STXBP6: variants seen among roughly 807,000 people sequenced by gnomAD.
The protein encoded by STXBP6 is syntaxin-binding protein 6.
STXBP6 carries 21 observed loss-of-function variants against 26.9 expected under a neutral mutation model. The observed-to-expected ratio is 0.78, with a 90% CI of 0.55 to 1.12. The LOEUF (loss-of-function observed/expected upper bound fraction) is 1.12, where lower values mean the gene tolerates loss of function less well. STXBP6 is among the 50% of genes most tolerant of loss of function. The pLI, the probability that STXBP6 is intolerant of heterozygous loss-of-function variation, is 0.00. For synonymous variants in STXBP6, 97 were observed against 92.6 expected (o/e 1.05, Z -0.27); for missense variants, 232 against 257.9 (o/e 0.90, Z 0.69).
intron 2 of STXBP6, among the ~76,000 whole-genome samples, chr14:24,959,622 A>G (rs916271019): frequency 1.4e-4 from 21 of 152,198 alleles, no homozygotes; most frequent in African/African-American, 5.1e-4. Context: ...ATTCTAGTTC[A>G]AAAAAATTCC....
intron 2 of STXBP6, among the ~76,000 whole-genome samples, chr14:24,953,380 C>A (rs1201950971): frequency 6.6e-6 from 1 of 152,138 alleles, no homozygotes; most frequent in East Asian, 1.9e-4. Context: ...CTTTGAGAGC[C>A]ATTATCAGCC....
Position 24,809,949 on chromosome 14 carries a change from C to T in STXBP6, c.*2760G>A, listed in dbSNP as rs1277907927. 1 of 152,134 alleles carries T rather than the reference C, an allele frequency of 6.6e-6. No homozygotes were observed. Among genetic ancestry groups the T allele is most frequent in the East Asian group, 1.9e-4 (1 of 5,190 alleles). 9.4% of individuals were successfully genotyped at this position (152,134 alleles called of 1,614,324 possible). ...AAACAGTTTTCACTGTAACTTAAGT[C>T]TAACACGTAATCTGAACTTCTTCAG... On this transcript the variant is annotated 3_prime_UTR_variant, in exon 6 of 6. Coordinates refer to ENST00000323944, the MANE Select transcript of STXBP6 (RefSeq NM_001394410.1).
chr14:24,993,758 C>T (rs753202123), intron 1 of STXBP6, among the ~76,000 whole-genome samples: 10 of 152,288 alleles, frequency 6.6e-5, no homozygotes, highest in African/African-American at 1.2e-4. Flanking sequence ...TCAGCCTGTA[C>T]AGTAGCAGAC....
At chr14:24,970,240 C>CAA (rs59422065) in intron 2 of STXBP6, among the ~76,000 whole-genome samples, 6,262 of 117,870 alleles carry the variant, frequency 0.053, 148 homozygotes, top group Middle Eastern at 0.11. Flanking sequence ...GACTCCGTCT[C>CAA]AAAAAAAAAA....
chr14:24,848,986 T>G (rs544142341), intron 4 of STXBP6, among the ~76,000 whole-genome samples: 32 of 152,240 alleles, frequency 2.1e-4, no homozygotes, highest in African/African-American at 7.5e-4. Flanking sequence ...TCCCTAATAG[T>G]GCTCAGCCAA....
chr14:24,819,767 C>T (rs1433610449), intron 4 of STXBP6, among the ~76,000 whole-genome samples: 1 of 152,172 alleles, frequency 6.6e-6, no homozygotes, highest in Non-Finnish European at 1.5e-5. Flanking sequence ...GAGCTATGAT[C>T]CAGTCTCAAA....
chr14:25,040,527 A>G (rs1480928663), intron 1 of STXBP6, among the ~76,000 whole-genome samples: 1 of 152,224 alleles, frequency 6.6e-6, no homozygotes, highest in Non-Finnish European at 1.5e-5. Context: ...AGGAAGCGAC[A>G]TTTGTAAAGT....
rs547669294 is a variant in STXBP6, at chr14:24,882,345, C to G, written c.155-25188G>C. On this transcript the variant is annotated intron_variant, in intron 2 of 5. Transcript: ENST00000323944. ...AGTGAGCCGAGATCCCGCCACTGCACTCCAGCCTGGGCGACAGAGCGAGAC... is the reference window on the plus strand; with the variant it reads ...AGTGAGCCGAGATCCCGCCACTGCAGTCCAGCCTGGGCGACAGAGCGAGAC... 1.1e-4 allele frequency among the ~76,000 whole-genome samples: 13 copies of G among 120,270 alleles called. No homozygotes were observed. The East Asian group carries it at 2.8e-3, about 26-fold the overall frequency. The allele number at this position is 120,270 out of a possible 152,430, so 78.9% of individuals were successfully genotyped here. A position where few individuals can be genotyped will look rare whatever the true frequency, so the allele number is the denominator to read the frequency against.
chr14:24,984,194 T>C (rs1446835688), intron 1 of STXBP6, among the ~76,000 whole-genome samples: 2 of 152,042 alleles, frequency 1.3e-5, no homozygotes, highest in East Asian at 1.9e-4. Context: ...ATCGTGCGAC[T>C]GCACTCCAGC....
rs1460651012 is a variant in STXBP6 at position 25,049,049 on chromosome 14, C to T, written c.-33+829G>A. The T allele has an allele frequency of 3.5e-6, 2 of 574,284 alleles. No homozygotes were observed. The highest frequency in any genetic ancestry group is 2.9e-4 in the East Asian group (2 of 6,938). 35.6% of individuals were successfully genotyped at this position (574,284 alleles called of 1,614,324 possible). A position where few individuals can be genotyped will look rare whatever the true frequency, so the allele number is the denominator to read the frequency against. ...GAAATCCTGGGGCCAGAACCAAGGG[C>T]AGATACACCCCGGGGACTTTCTCCT... On this transcript the variant is annotated intron_variant, in intron 1 of 5. Transcript: ENST00000323944. This position sits in a 1 kb window ranked among gnomAD's most constrained non-coding sequence, Gnocchi z 5.6.
intron 2 of STXBP6, among the ~76,000 whole-genome samples, chr14:24,973,289 T>A (rs1424394751): frequency 6.6e-6 from 1 of 152,184 alleles, no homozygotes; most frequent in East Asian, 1.9e-4. Context: ...TAACCCAATT[T>A]TTTTATTAAC....
intron 1 of STXBP6, among the ~76,000 whole-genome samples, chr14:24,979,006 A>T (rs549809840): frequency 6.6e-6 from 1 of 152,354 alleles, no homozygotes; most frequent in Admixed American, 6.5e-5. Context: ...GCAGCAAATT[A>T]AAAACCTCCA....
At chr14:24,929,225 G>A (rs10162405) in intron 2 of STXBP6, among the ~76,000 whole-genome samples, 37,297 of 152,126 alleles carry the variant, frequency 0.25, 4,845 homozygotes, top group African/African-American at 0.33. Context: ...CATTTCAGAT[G>A]AACCTGTTCT....
intron 2 of STXBP6, among the ~76,000 whole-genome samples, chr14:24,957,335 C>T (rs149251730): frequency 1.0e-3 from 155 of 152,256 alleles, no homozygotes; most frequent in African/African-American, 3.5e-3. Context: ...TAGAAAAAAT[C>T]GGAAAATTTC....
At chr14:24,944,479 T>C (rs1315099960) in intron 2 of STXBP6, among the ~76,000 whole-genome samples, 1 of 152,162 alleles carries the variant, frequency 6.6e-6, no homozygotes, top group Non-Finnish European at 1.5e-5. Flanking sequence ...GGGAGAGAGT[T>C]TCCTTGGTAG....
chr14:24,881,926 G>A (rs2070371148), intron 2 of STXBP6, among the ~76,000 whole-genome samples: 1 of 152,180 alleles, frequency 6.6e-6, no homozygotes, highest in Admixed American at 6.5e-5. Flanking sequence ...TTGGAGGCCA[G>A]TGGCCTACAG....
chr14:24,900,940 G>C (rs1327020180), intron 2 of STXBP6, among the ~76,000 whole-genome samples: 1 of 152,144 alleles, frequency 6.6e-6, no homozygotes, highest in Non-Finnish European at 1.5e-5. Context: ...AGTAAAAACT[G>C]GGATGTATGC....
chr14:24,843,516 G>A (rs995033064), intron 4 of STXBP6, among the ~76,000 whole-genome samples: 1 of 152,134 alleles, frequency 6.6e-6, no homozygotes, highest in African/African-American at 2.4e-5. Context: ...ACGATGTTCC[G>A]TGGTACTCCC....
At chr14:24,830,939 GT>G (rs2068439166) in intron 4 of STXBP6, among the ~76,000 whole-genome samples, 1 of 152,140 alleles carries the variant, frequency 6.6e-6, no homozygotes, top group African/African-American at 2.4e-5. Flanking sequence ...CTATAAGAGT[GT>G]TAAGACAATT....
Sources: allele counts gnomAD v4.1 joint callset (sites outside exome capture counted in the v4.1 genomes callset), GRCh38; gene constraint gnomAD v4.1.1; non-coding constraint Gnocchi (gnomAD v3.1); transcripts MANE v1.5; gene names NCBI Gene and HGNC (gene_info 2026-07-23, HGNC 2026-07-21).